The following ARHGEF28 variants were observed in gnomAD, a reference collection of about 807,000 sequenced individuals.
The protein encoded by ARHGEF28 is 190 kDa guanine nucleotide exchange factor.
In ARHGEF28, 152 loss-of-function variants were observed where a neutral mutation model predicts 206.6. The observed-to-expected ratio is 0.74, with a 90% CI of 0.64 to 0.84. ARHGEF28 has a LOEUF of 0.84. Ranked by LOEUF, ARHGEF28 falls within the 40% of genes least tolerant of loss-of-function variation. The probability of loss-of-function intolerance (pLI) is 0.00; values close to 1 mark genes in which losing one functional copy is unlikely to be tolerated. For synonymous variants in ARHGEF28, 763 were observed against 776.4 expected (o/e 0.98, Z 0.29); for missense variants, 2,028 against 2,073.2 (o/e 0.98, Z 0.42).
chr5:73,784,455 C>T (rs781568007), intron 7 of ARHGEF28, among the ~76,000 whole-genome samples: 1 of 152,156 alleles, frequency 6.6e-6, no homozygotes, highest in Non-Finnish European at 1.5e-5. Flanking sequence ...TTTTAATATG[C>T]TCCTATTAAT....
chr5:73,901,361 C>T (rs1561498297), intron 31 of ARHGEF28, 77 bp downstream of exon 31: 9 of 1,222,008 alleles, frequency 7.4e-6, no homozygotes, highest in Middle Eastern at 1.9e-4. Context: ...TGGTCTGTCA[C>T]GGCAGTCAGT....
chr5:73,708,851 T>C (rs1394258601), intron 2 of ARHGEF28, among the ~76,000 whole-genome samples: 1 of 152,226 alleles, frequency 6.6e-6, no homozygotes, highest in Non-Finnish European at 1.5e-5. Context: ...TTCCCTTTTC[T>C]CTGCAGTCTT....
chr5:73,685,857 G>A (rs575581978), intron 2 of ARHGEF28, among the ~76,000 whole-genome samples: 5 of 152,206 alleles, frequency 3.3e-5, no homozygotes, highest in South Asian at 4.1e-4. Context: ...TCCTGACCTC[G>A]TGATCCGAAT....
rs66675411 is a variant in ARHGEF28, at chr5:73,869,915, C to A, written c.2426-154C>A. ...AGAGAGAAACTGTCTCAAAAAAAAA[C>A]AGATGTTTCACTCCATGTTAATATG... On this transcript the variant is annotated intron_variant, in intron 20 of 35. Coordinates refer to ENST00000513042, the MANE Select transcript of ARHGEF28 (RefSeq NM_001177693.2). Among the ~76,000 whole-genome samples, 47,820 of 150,946 alleles carry A rather than the reference C, an allele frequency of 0.32. 7,732 individuals carry two copies. The highest frequency in any genetic ancestry group is 0.4 in the Admixed American group (6,009 of 15,128).
intron 35 of ARHGEF28, among the ~76,000 whole-genome samples, chr5:73,931,835 C>T (rs993133673): frequency 2.0e-5 from 3 of 152,114 alleles, no homozygotes; most frequent in Non-Finnish European, 2.9e-5. Context: ...TCATAGTTTA[C>T]CTACCATTTT....
intron 4 of ARHGEF28, among the ~76,000 whole-genome samples, chr5:73,770,801 C>G (rs1753182306): frequency 6.6e-6 from 1 of 152,182 alleles, no homozygotes; most frequent in Non-Finnish European, 1.5e-5. Context: ...CTTCCCCTGC[C>G]TTACCTCCTC....
At chr5:73,657,764 T>G (rs1444847793) in intron 1 of ARHGEF28, among the ~76,000 whole-genome samples, 6 of 152,208 alleles carry the variant, frequency 3.9e-5, no homozygotes, top group Non-Finnish European at 8.8e-5. Flanking sequence ...TCTTGTTTTT[T>G]CCTTTGGCTA....
intron 22 of ARHGEF28, among the ~76,000 whole-genome samples, chr5:73,879,939 A>C (rs1760801955): frequency 6.6e-6 from 1 of 152,184 alleles, no homozygotes; most frequent in Non-Finnish European, 1.5e-5. Flanking sequence ...TGCTGGGAGA[A>C]CCACTGCTGT....
chr5:73,837,749 T>TTG (rs1220751204), intron 10 of ARHGEF28, among the ~76,000 whole-genome samples: 10 of 143,368 alleles, frequency 7.0e-5, no homozygotes, highest in Non-Finnish European at 1.3e-4. Context: ...CGTTTTGTTT[T>TTG]TTTTTTTTTT....
chr5:73,736,354 T>TG (rs1750932675), intron 2 of ARHGEF28, among the ~76,000 whole-genome samples: 1 of 152,154 alleles, frequency 6.6e-6, no homozygotes, highest in Non-Finnish European at 1.5e-5. Flanking sequence ...GAAGGAAGCA[T>TG]GGGTTTGACT....
intron 4 of ARHGEF28, among the ~76,000 whole-genome samples, chr5:73,762,609 T>A (rs985292806): frequency 6.6e-6 from 1 of 152,216 alleles, no homozygotes. Context: ...CAATTCCTGA[T>A]TTTTAAAAAG....
At chr5:73,821,284 G>A (rs901903027) in intron 9 of ARHGEF28, among the ~76,000 whole-genome samples, 5 of 152,174 alleles carry the variant, frequency 3.3e-5, no homozygotes, top group Admixed American at 6.5e-5. Flanking sequence ...CATTCATTCA[G>A]AATGTTTCTA....
At chr5:73,726,482 C>A (rs1186347157) in intron 2 of ARHGEF28, among the ~76,000 whole-genome samples, 1 of 152,172 alleles carries the variant, frequency 6.6e-6, no homozygotes, top group Non-Finnish European at 1.5e-5. Context: ...CTAAAATATG[C>A]TATCCAGCTA....
intron 10 of ARHGEF28, among the ~76,000 whole-genome samples, chr5:73,836,703 C>T (rs1757663992): frequency 6.6e-6 from 1 of 152,082 alleles, no homozygotes; most frequent in Non-Finnish European, 1.5e-5. Flanking sequence ...CTTGCTTGTG[C>T]TTTTGGTGTC....
intron 2 of ARHGEF28, among the ~76,000 whole-genome samples, chr5:73,737,099 T>C (rs781179560): frequency 5.3e-5 from 8 of 152,138 alleles, no homozygotes; most frequent in Non-Finnish European, 1.2e-4. Flanking sequence ...CACTTTATGA[T>C]GTGTTTCAAT....
At chr5:73,875,714 A>C (rs1198504365) in intron 22 of ARHGEF28, among the ~76,000 whole-genome samples, 1 of 151,350 alleles carries the variant, frequency 6.6e-6, no homozygotes, top group African/African-American at 2.4e-5. Context: ...AGGTTTGTCA[A>C]AGATCAGATA....
At chr5:73,877,830 C>G (rs990396884) in intron 22 of ARHGEF28, among the ~76,000 whole-genome samples, 4 of 152,098 alleles carry the variant, frequency 2.6e-5, no homozygotes, top group Non-Finnish European at 5.9e-5. Flanking sequence ...CTGAGGAGAG[C>G]TTTACTTCCA....
intron 1 of ARHGEF28, among the ~76,000 whole-genome samples, chr5:73,634,627 G>C (rs1471239825): frequency 6.6e-6 from 1 of 152,188 alleles, no homozygotes. Context: ...ATTGTCCACA[G>C]TTCCTGATGG....
chr5:73,890,292 A>G (rs984570062), intron 26 of ARHGEF28, among the ~76,000 whole-genome samples: 2 of 152,210 alleles, frequency 1.3e-5, no homozygotes, highest in Non-Finnish European at 2.9e-5. Context: ...AACTGGTTCA[A>G]ATAATTGCAC....
Sources: gnomAD v4.1 joint callset for allele counts (sites outside exome capture counted in the v4.1 genomes callset) on GRCh38, gnomAD v4.1.1 for gene constraint, MANE v1.5 for transcripts, NCBI Gene and HGNC (gene_info 2026-07-23, HGNC 2026-07-21) for gene names.